The following RGS20 variants were observed in gnomAD, a reference collection of about 807,000 sequenced individuals.
RGS20 encodes the protein regulator of G protein signaling 20.
In RGS20, 30 loss-of-function variants were observed where a neutral mutation model predicts 33.6. That is an observed-to-expected ratio of 0.89 (90% CI 0.67 to 1.21). RGS20 has a LOEUF of 1.21. Ranked by LOEUF, RGS20 falls within the 50% of genes most tolerant of loss-of-function variation. RGS20 has a pLI of 0.00. For missense variants in RGS20, 472 were observed against 502.4 expected (o/e 0.94, Z 0.58); for synonymous variants, 208 against 197.9 (o/e 1.05, Z -0.43).
intron 2 of RGS20, among the ~76,000 whole-genome samples, chr8:53,908,601 T>C (rs1283340475): frequency 1.3e-5 from 2 of 151,750 alleles, no homozygotes; most frequent in African/African-American, 4.8e-5. Flanking sequence ...GATCATGCCA[T>C]TGCACTCCAG....
chr8:53,883,777 T>C (rs1812462994), intron 2 of RGS20, among the ~76,000 whole-genome samples: 1 of 151,910 alleles, frequency 6.6e-6, no homozygotes. Context: ...AAACCCCATC[T>C]CTACTAAAAA....
chr8:53,944,504 C>T (rs1193366452), intron 3 of RGS20, among the ~76,000 whole-genome samples: 1 of 150,292 alleles, frequency 6.7e-6, no homozygotes, highest in Non-Finnish European at 1.5e-5. Flanking sequence ...CGCCATTGCA[C>T]TCCAGCCTGG....
chr8:53,912,650 TC>T (rs756813516), intron 2 of RGS20, among the ~76,000 whole-genome samples: 117 of 152,188 alleles, frequency 7.7e-4, no homozygotes, highest in Admixed American at 3.3e-4. Flanking sequence ...GAACATTTTT[TC>T]ATAGGTGATT....
intron 1 of RGS20, among the ~76,000 whole-genome samples, chr8:53,866,064 C>T (rs1328091798): frequency 6.6e-6 from 1 of 152,036 alleles, no homozygotes; most frequent in African/African-American, 2.4e-5. Context: ...TAAGCTGAGA[C>T]TTGAAGGATA....
At chr8:53,927,145 G>A (rs979415660) in intron 2 of RGS20, among the ~76,000 whole-genome samples, 2 of 151,192 alleles carry the variant, frequency 1.3e-5, no homozygotes, top group Non-Finnish European at 2.9e-5. Flanking sequence ...TGTTTAATAA[G>A]CTATCAACCT....
intron 1 of RGS20, chr8:53,876,288 GAC>G (rs1281958352): frequency 1.3e-5 from 2 of 152,216 alleles, no homozygotes; most frequent in Non-Finnish European, 2.9e-5. Flanking sequence ...AAATGGGCAA[GAC>G]ATTGTTCATA....
At chr8:53,885,616 A>G (rs889242631) in intron 2 of RGS20, among the ~76,000 whole-genome samples, 2 of 152,036 alleles carry the variant, frequency 1.3e-5, no homozygotes, top group African/African-American at 4.8e-5. Flanking sequence ...TCCGTCTCAA[A>G]AAAAAAAATG....
In RGS20 at chr8:53,875,895, C is replaced by T. The variant is rs533622848; in HGVS notation, c.166-3363C>T. 2.0e-5 allele frequency among the ~76,000 whole-genome samples: 3 copies of T among 152,236 alleles called. No homozygotes were observed. In the South Asian group the frequency reaches 6.2e-4, roughly 32 times the overall value. On this transcript the variant is annotated intron_variant, in intron 1 of 5. Coordinates refer to ENST00000297313, the MANE Select transcript of RGS20 (RefSeq NM_170587.4). ...TGGGTTCACCTCAAGTTAATATTAA[C>T]CTGTGACTCTAATAGCCAGGATCTG...
intron 1 of RGS20, among the ~76,000 whole-genome samples, chr8:53,853,559 A>C (rs1811610964): frequency 6.6e-6 from 1 of 152,148 alleles, no homozygotes; most frequent in African/African-American, 2.4e-5. Flanking sequence ...CTTTTGAAAA[A>C]ATCTTTTTAT....
chr8:53,871,131 A>AG (rs1812056894), intron 1 of RGS20, among the ~76,000 whole-genome samples: 3 of 149,758 alleles, frequency 2.0e-5, no homozygotes, highest in Non-Finnish European at 4.4e-5. Flanking sequence ...AAAAAAAAAA[A>AG]AAAAAAAAAA....
At chr8:53,867,025 C>T (rs923471324) in intron 1 of RGS20, among the ~76,000 whole-genome samples, 21 of 152,060 alleles carry the variant, frequency 1.4e-4, no homozygotes, top group African/African-American at 2.4e-4. Flanking sequence ...AGACCATCTT[C>T]GGCACAGATG....
rs566127532 is a variant in RGS20 at position 53,942,372 on chromosome 8, C to T, written c.659+2648C>T. On this transcript the variant is annotated intron_variant, in intron 3 of 5. Transcript: ENST00000297313. ...ACTCAGGAGGCTGAGGTGGGAGGAT[C>T]GCTTGAGCCCAGGGAGGTTGAGGCT... Among the ~76,000 whole-genome samples the T allele has an allele frequency of 4.6e-5, 7 of 152,014 alleles. No individual in the cohort carries two copies. In the East Asian group the frequency reaches 1.2e-3, roughly 25 times the overall value.
chr8:53,946,478 A>G, intron 3 of RGS20, 187 bp from the exon 3 acceptor site: 1 of 662,264 alleles, frequency 1.5e-6, no homozygotes, highest in Admixed American at 2.4e-5. Flanking sequence ...GTTTATTTAT[A>G]TTTCTAGTAC....
chr8:53,957,031 CCAT>C (rs778456298), intron 5 of RGS20, among the ~76,000 whole-genome samples: 4 of 152,184 alleles, frequency 2.6e-5, no homozygotes, highest in East Asian at 1.9e-4. Context: ...TAAGACATTA[CCAT>C]CATCATCATC....
intron 5 of RGS20, among the ~76,000 whole-genome samples, chr8:53,957,661 G>A (rs1378698558): frequency 2.0e-5 from 3 of 152,182 alleles, no homozygotes; most frequent in Admixed American, 6.5e-5. Flanking sequence ...GCATCACTTA[G>A]AACTTGTGGG....
intron 2 of RGS20, among the ~76,000 whole-genome samples, chr8:53,909,095 T>A (rs996396597): frequency 8.0e-5 from 12 of 150,094 alleles, no homozygotes; most frequent in Non-Finnish European, 1.0e-4. Context: ...CAGATACTAT[T>A]ATTTTCCTGA....
intron 2 of RGS20, among the ~76,000 whole-genome samples, chr8:53,907,624 T>C (rs1338568700): frequency 2.0e-5 from 3 of 151,896 alleles, no homozygotes; most frequent in African/African-American, 7.3e-5. Flanking sequence ...TCCAAAATAT[T>C]TAAAGAGTAA....
At chr8:53,947,099 CTA>C (rs1412841984) in intron 4 of RGS20, among the ~76,000 whole-genome samples, 1 of 144,956 alleles carries the variant, frequency 6.9e-6, no homozygotes, top group Non-Finnish European at 1.5e-5. Context: ...TTTATATATA[CTA>C]TATATAAAAT....
intron 2 of RGS20, among the ~76,000 whole-genome samples, chr8:53,895,728 T>C (rs538506137): frequency 1.1e-4 from 17 of 150,906 alleles, no homozygotes; most frequent in Non-Finnish European, 1.2e-4. Flanking sequence ...CACTGCAACC[T>C]CTGCCTCCCA....
Sources: gnomAD v4.1 joint callset for allele counts (sites outside exome capture counted in the v4.1 genomes callset) on GRCh38, gnomAD v4.1.1 for gene constraint, MANE v1.5 for transcripts, NCBI Gene and HGNC (gene_info 2026-07-23, HGNC 2026-07-21) for gene names.